Variants in FBXL17 observed in about 807,000 individuals in gnomAD.
FBXL17 encodes F-box and leucine rich repeat protein 17, also known as F-box/LRR-repeat protein 17.
FBXL17 carries 22 observed loss-of-function variants against 66.2 expected under a neutral mutation model. The observed-to-expected ratio is 0.33, with a 90% CI of 0.24 to 0.47. The LOEUF (loss-of-function observed/expected upper bound fraction) is 0.47, where lower values mean the gene tolerates loss of function less well. Among genes scored for constraint, FBXL17 ranks in the 20% least tolerant of loss-of-function variants. The pLI is 1.00. For synonymous variants in FBXL17, 474 were observed against 400.5 expected (o/e 1.18, Z -2.19); for missense variants, 878 against 948.2 (o/e 0.93, Z 0.97).
chr5:108,189,974 T>C (rs1753405141), intron 5 of FBXL17, among the ~76,000 whole-genome samples: 3 of 152,152 alleles, frequency 2.0e-5, no homozygotes, highest in Non-Finnish European at 4.4e-5. Flanking sequence ...GTTGAGATCT[T>C]GATTGCCTTG....
At chr5:108,063,216 T>TG (rs1747992644) in intron 6 of FBXL17, among the ~76,000 whole-genome samples, 1 of 152,036 alleles carries the variant, frequency 6.6e-6, no homozygotes, top group Admixed American at 6.6e-5. Context: ...GAGGCACTGT[T>TG]GAACTCAGAG....
At chr5:108,097,626 TA>T (rs1349472176) in intron 6 of FBXL17, among the ~76,000 whole-genome samples, 17 of 151,678 alleles carry the variant, frequency 1.1e-4, no homozygotes, top group African/African-American at 4.1e-4. Context: ...CCGTCTCTAC[TA>T]AAAACACAAA....
chr5:108,151,161 T>G (rs144026056), intron 6 of FBXL17, among the ~76,000 whole-genome samples: 44 of 152,230 alleles, frequency 2.9e-4, no homozygotes, highest in Non-Finnish European at 4.9e-4. Flanking sequence ...TTATCTGAAT[T>G]AGAGCTTCAA....
At chr5:108,086,581 T>C (rs928873207) in intron 6 of FBXL17, among the ~76,000 whole-genome samples, 7 of 152,142 alleles carry the variant, frequency 4.6e-5, no homozygotes, top group African/African-American at 1.7e-4. Context: ...TTTTTTGAGA[T>C]AGAGTTTCAC....
chr5:107,962,677 A>C (rs943076212), intron 7 of FBXL17, among the ~76,000 whole-genome samples: 3 of 151,736 alleles, frequency 2.0e-5, no homozygotes, highest in African/African-American at 7.3e-5. Context: ...AAGCGTTAAA[A>C]GTTTTTTTTT....
intron 8 of FBXL17, among the ~76,000 whole-genome samples, chr5:107,869,759 C>G (rs1748388523): frequency 6.6e-6 from 1 of 152,190 alleles, no homozygotes; most frequent in African/African-American, 2.4e-5. Flanking sequence ...TCACCTCTTT[C>G]TCTTCAGTGG....
In FBXL17 at chr5:108,140,000, T is replaced by C. The variant is rs141485986; in HGVS notation, c.1745+46117A>G. On this transcript the variant is annotated intron_variant, in intron 6 of 8. Coordinates refer to ENST00000542267, the MANE Select transcript of FBXL17 (RefSeq NM_001163315.3). ...TCCCACTTTGAAAGACTAAACAAAG[T>C]GAAACTCCTCAGTGTATTATAATCT... Among the ~76,000 whole-genome samples the C allele has an allele frequency of 3.3e-3, 502 of 152,224 alleles. 2 individuals carry two copies. Among genetic ancestry groups the C allele is most frequent in the African/African-American group, 0.012 (484 of 41,522 alleles).
chr5:108,190,363 G>GAA (rs1410507511), intron 5 of FBXL17, among the ~76,000 whole-genome samples: 1 of 152,168 alleles, frequency 6.6e-6, no homozygotes, highest in African/African-American at 2.4e-5. Flanking sequence ...CTTGTCAGAA[G>GAA]AAAGAGAAAT....
chr5:108,066,817 C>T (rs569990369), intron 6 of FBXL17, among the ~76,000 whole-genome samples: 9 of 151,818 alleles, frequency 5.9e-5, no homozygotes, highest in East Asian at 3.9e-4. Context: ...CTCAATTCTT[C>T]GAAATACAAT....
chr5:108,380,684 C>A lies in FBXL17; in HGVS notation c.993+15G>T. On this transcript the variant is annotated intron_variant, in intron 1 of 8. Transcript: ENST00000542267. ...GGGGAAAGCGAGCATCCCTGCGCCT[C>A]TCGCCCAGACCCACCTTGAGCAGGA... 1 of 1,248,206 alleles carries A rather than the reference C, an allele frequency of 8.0e-7. No homozygotes were observed. Among genetic ancestry groups the A allele is most frequent in the African/African-American group, 1.5e-5 (1 of 64,548 alleles). 77.3% of individuals were successfully genotyped at this position (1,248,206 alleles called of 1,614,324 possible).
intron 6 of FBXL17, among the ~76,000 whole-genome samples, chr5:108,118,339 T>C (rs746556890): frequency 9.9e-5 from 15 of 152,204 alleles, no homozygotes; most frequent in Non-Finnish European, 1.6e-4. Context: ...GTCCATTCTT[T>C]TCCATCCAAA....
At chr5:108,148,007 A>G (rs286796) in intron 6 of FBXL17, among the ~76,000 whole-genome samples, 104,054 of 151,716 alleles carry the variant, frequency 0.69, 36,150 homozygotes, top group East Asian at 0.92. Flanking sequence ...AACTGAAAAA[A>G]GCCTCTCATT....
intron 6 of FBXL17, among the ~76,000 whole-genome samples, chr5:108,185,178 A>G (rs1262155866): frequency 6.6e-6 from 1 of 152,028 alleles, no homozygotes; most frequent in Non-Finnish European, 1.5e-5. Flanking sequence ...AACAAATTAC[A>G]TATATATATA....
At chr5:108,025,695 A>G (rs990828228) in intron 6 of FBXL17, among the ~76,000 whole-genome samples, 1 of 132,866 alleles carries the variant, frequency 7.5e-6, no homozygotes, top group African/African-American at 3.4e-5. Context: ...ACACACACAC[A>G]CACACACAAA....
At position 108,262,851 on chromosome 5, in the gene FBXL17, G is replaced by C. The variant is rs148994378; in HGVS notation, c.1507-38623C>G. 1.9e-3 allele frequency among the ~76,000 whole-genome samples: 294 copies of C among 152,252 alleles called. 1 individual carries two copies. Among genetic ancestry groups the C allele is most frequent in the African/African-American group, 6.9e-3 (285 of 41,556 alleles). ...GTATCTATGACTAGCTCAATTAATA[G>C]AGGGAAAGCATGTGATAACCATTAC... On this transcript the variant is annotated intron_variant, in intron 4 of 8. Transcript: ENST00000542267.
At chr5:107,932,478 A>G (rs1167288609) in intron 7 of FBXL17, among the ~76,000 whole-genome samples, 1 of 152,170 alleles carries the variant, frequency 6.6e-6, no homozygotes, top group Non-Finnish European at 1.5e-5. Flanking sequence ...TTACTACTCA[A>G]TCTATTTGGG....
Position 108,052,534 on chromosome 5 carries a change from C to A in FBXL17, c.1746-31533G>T, listed in dbSNP as rs182154033. Among the ~76,000 whole-genome samples the A allele has an allele frequency of 4.6e-3, 701 of 152,218 alleles. 4 individuals carry two copies. The highest frequency in any genetic ancestry group is 0.016 in the African/African-American group (677 of 41,520). On this transcript the variant is annotated intron_variant, in intron 6 of 8. Transcript: ENST00000542267. The stretch of plus-strand genomic sequence containing the variant: ...TCAAGGAGAACTACAAACCACTGCT[C>A]AAGGAAATAAGAGACAATACAAACA...
At chr5:108,244,770 CA>C (rs1342953655) in intron 4 of FBXL17, among the ~76,000 whole-genome samples, 7 of 152,188 alleles carry the variant, frequency 4.6e-5, no homozygotes, top group South Asian at 2.1e-4. Flanking sequence ...AGTTATACAT[CA>C]GGGGGAAAAA....
intron 3 of FBXL17, among the ~76,000 whole-genome samples, chr5:108,355,469 G>C (rs996387572): frequency 7.2e-5 from 11 of 151,912 alleles, no homozygotes; most frequent in African/African-American, 2.4e-4. Context: ...TTTTAGTAGA[G>C]ACGGGGTTTT....
Sources: allele counts gnomAD v4.1 joint callset (sites outside exome capture counted in the v4.1 genomes callset), GRCh38; gene constraint gnomAD v4.1.1; transcripts MANE v1.5; gene names NCBI Gene and HGNC (gene_info 2026-07-23, HGNC 2026-07-21).